TENM2: variants seen among roughly 807,000 people sequenced by gnomAD.
TENM2 encodes teneurin-2.
Under a neutral mutation model 245.2 loss-of-function variants are expected in TENM2, and 52 were observed. The ratio of observed to expected loss-of-function variants is 0.21; its 90% confidence interval spans 0.17 to 0.27. The LOEUF (loss-of-function observed/expected upper bound fraction) is 0.27. Among genes scored for constraint, TENM2 ranks in the 10% least tolerant of loss-of-function variants. The pLI is 1.00. For synonymous variants in TENM2, 1,363 were observed against 1,438.9 expected (o/e 0.95, Z 1.19); for missense variants, 3,046 against 3,666.8 (o/e 0.83, Z 4.37).
chr5:167,820,358 C>A (rs1026774446), intron 2 of TENM2, among the ~76,000 whole-genome samples: 1 of 152,166 alleles, frequency 6.6e-6, no homozygotes, highest in Non-Finnish European at 1.5e-5. Flanking sequence ...TGTAGCGTAC[C>A]TCGCTTTGTG....
chr5:167,749,280 C>A (rs1389820222), intron 2 of TENM2, among the ~76,000 whole-genome samples: 1 of 151,972 alleles, frequency 6.6e-6, no homozygotes, highest in Non-Finnish European at 1.5e-5. Context: ...AAGACTGACA[C>A]TTCAGTAATT....
chr5:167,090,692 C>T, the TENM2 span, among the ~76,000 whole-genome samples: 1 of 152,078 alleles, frequency 6.6e-6, no homozygotes, highest in African/African-American at 2.4e-5. Flanking sequence ...CATTACATTT[C>T]GTGAAAGGAG....
the TENM2 span, among the ~76,000 whole-genome samples, chr5:167,081,140 A>G: frequency 1.3e-4 from 19 of 151,998 alleles, no homozygotes; most frequent in Non-Finnish European, 2.2e-4. Flanking sequence ...AATATCTTCA[A>G]GCAGAAGATG....
intron 2 of TENM2, among the ~76,000 whole-genome samples, chr5:167,811,701 T>C (rs901610903): frequency 5.9e-5 from 9 of 152,172 alleles, no homozygotes; most frequent in African/African-American, 2.2e-4. Flanking sequence ...GGTTGCAGTT[T>C]TTTTGTGTGA....
chr5:167,503,884 A>G (rs1413047714), intron 2 of TENM2, among the ~76,000 whole-genome samples: 13 of 152,300 alleles, frequency 8.5e-5, no homozygotes, highest in Admixed American at 7.2e-4. Flanking sequence ...ACAGAGTCTC[A>G]CTCTGTCTCA....
In TENM2 at chr5:168,119,542, T is replaced by C. The variant is rs921520338; in HGVS notation, c.2008+1056T>C. Among the ~76,000 whole-genome samples, 43 of 152,232 alleles carry C rather than the reference T, an allele frequency of 2.8e-4. 1 individual carries two copies. Among genetic ancestry groups the C allele is most frequent in the Admixed American group, 2.7e-3 (42 of 15,284 alleles). Reference sequence around the variant, plus strand: ...GCTCTGTATTTGGCCTTGCAGAATATGGTCTCTGGTTGCCATTTGATTACT... The same window carrying C: ...GCTCTGTATTTGGCCTTGCAGAATACGGTCTCTGGTTGCCATTTGATTACT... On this transcript the variant is annotated intron_variant, in intron 10 of 28. Transcript: ENST00000518659.
At chr5:168,117,832 T>C (rs1795189399) in intron 9 of TENM2, among the ~76,000 whole-genome samples, 1 of 152,180 alleles carries the variant, frequency 6.6e-6, no homozygotes, top group South Asian at 2.1e-4. Context: ...TGATCTCCAA[T>C]ACCAACAACA....
At chr5:168,144,277 C>T (rs1755840610) in intron 12 of TENM2, among the ~76,000 whole-genome samples, 1 of 151,932 alleles carries the variant, frequency 6.6e-6, no homozygotes. Context: ...TGCGCTGCAC[C>T]CACTAACTTG....
At chr5:167,440,588 A>G (rs1014143123) in intron 2 of TENM2, among the ~76,000 whole-genome samples, 1 of 152,206 alleles carries the variant, frequency 6.6e-6, no homozygotes, top group South Asian at 2.1e-4. Context: ...AATATTTTCT[A>G]TTCAATATTG....
At chr5:168,124,547 A>T (rs963952867) in intron 10 of TENM2, among the ~76,000 whole-genome samples, 1 of 152,370 alleles carries the variant, frequency 6.6e-6, no homozygotes, top group Middle Eastern at 3.4e-3. Flanking sequence ...AGCACAAGAT[A>T]CTAAAGGTGG....
intron 5 of TENM2, among the ~76,000 whole-genome samples, chr5:168,032,557 A>G (rs2151959294): frequency 6.6e-6 from 1 of 152,302 alleles, no homozygotes; most frequent in South Asian, 2.1e-4. Flanking sequence ...AGGAAACCTC[A>G]AAGCGAGAAG....
Position 167,285,078 on chromosome 5 carries a change from C to T in TENM2, c.226+15C>T. ...TCCTAGACAAGGTTTGTAGGGTTTC[C>T]CCTGCTGATTTGCTCTCAACTGTCT... On this transcript the variant is annotated intron_variant, in intron 1 of 28. Coordinates refer to ENST00000518659, the Ensembl canonical transcript of TENM2. 1 of 1,538,034 alleles carries T rather than the reference C, an allele frequency of 6.5e-7. No individual in the cohort carries two copies. The highest frequency in any genetic ancestry group is 8.8e-7 in the Non-Finnish European group (1 of 1,134,418).
chr5:167,856,758 G>A (rs965024696), intron 2 of TENM2, among the ~76,000 whole-genome samples: 1 of 152,150 alleles, frequency 6.6e-6, no homozygotes, highest in East Asian at 1.9e-4. Flanking sequence ...TGAATTTAAA[G>A]GGCCTACAAT....
rs139776528 is a variant in TENM2 at position 167,879,131 on chromosome 5, A to G, written c.712+2936A>G. On this transcript the variant is annotated intron_variant, in intron 3 of 28. Transcript: ENST00000518659. ...TGGGACATAAACTACAGGAACGAAA[A>G]TGTTTTTCCCCAACATGAAAAACTC... 7.9e-5 allele frequency among the ~76,000 whole-genome samples: 12 copies of G among 152,272 alleles called. No homozygotes were observed. In the East Asian group the frequency reaches 2.1e-3, roughly 27 times the overall value.
At chr5:168,056,998 T>G (rs1789597624) in intron 6 of TENM2, among the ~76,000 whole-genome samples, 1 of 152,068 alleles carries the variant, frequency 6.6e-6, no homozygotes, top group African/African-American at 2.4e-5. Flanking sequence ...TAAGAGTACA[T>G]TTCTCAGAAT....
rs543887025 is a variant in TENM2, at chr5:167,911,474, C to T, written c.712+35279C>T. 5.3e-5 allele frequency among the ~76,000 whole-genome samples: 8 copies of T among 152,328 alleles called. No homozygotes were observed. In the South Asian group the frequency reaches 1.5e-3, roughly 28 times the overall value. On this transcript the variant is annotated intron_variant, in intron 3 of 28. Transcript: ENST00000518659. ...CCTGGGAGGCGGAGCTTGCCGTGAG[C>T]CGAGATCGCGCCACTGCACTCCAGC...
intron 25 of TENM2, among the ~76,000 whole-genome samples, chr5:168,238,229 G>GAA (rs1158421088): frequency 2.5e-5 from 2 of 81,114 alleles, no homozygotes; most frequent in African/African-American, 5.1e-5. Context: ...GAGAAGAAAA[G>GAA]AAAAGAAAAG....
chr5:168,067,137 A>AT (rs1412663707), intron 7 of TENM2, among the ~76,000 whole-genome samples: 1 of 152,200 alleles, frequency 6.6e-6, no homozygotes, highest in Non-Finnish European at 1.5e-5. Flanking sequence ...TTTAGCAAAT[A>AT]TTAAAAATGC....
chr5:167,868,171 T>C (rs888135892), intron 2 of TENM2, among the ~76,000 whole-genome samples: 11 of 152,238 alleles, frequency 7.2e-5, no homozygotes, highest in African/African-American at 2.4e-4. Context: ...TCCTGTGCAT[T>C]ATAGGATGTT....
Sources: gnomAD v4.1 joint callset for allele counts (sites outside exome capture counted in the v4.1 genomes callset) on GRCh38, gnomAD v4.1.1 for gene constraint, MANE v1.5 for transcripts, NCBI Gene and HGNC (gene_info 2026-07-23, HGNC 2026-07-21) for gene names.